Variants in CTBP1 observed in about 807,000 individuals in gnomAD.
CTBP1 encodes the protein C-terminal binding protein 1.
Under a neutral mutation model 42.1 loss-of-function variants are expected in CTBP1, and 11 were observed. That is an observed-to-expected ratio of 0.26 (90% CI 0.16 to 0.43). The LOEUF is 0.43. Ranked by LOEUF, CTBP1 falls within the 20% of genes least tolerant of loss-of-function variation. The pLI is 1.00. For synonymous variants in CTBP1, 324 were observed against 277.1 expected (o/e 1.17, Z -1.68); for missense variants, 399 against 624.3 (o/e 0.64, Z 3.85).
chr4:1,239,921 ACTGTACATGGCCTCCCT>A (rs1298105390), intron 2 of CTBP1, among the ~76,000 whole-genome samples: 1 of 152,246 alleles, frequency 6.6e-6, no homozygotes, highest in African/African-American at 2.4e-5. Context: ...GCCCAGTGAC[ACTGTACATGGCCTCCCT>A]CTGCACGTGG....
chr4:1,225,031 G>A (rs1280950600), intron 5 of CTBP1, among the ~76,000 whole-genome samples: 1 of 152,088 alleles, frequency 6.6e-6, no homozygotes, highest in Non-Finnish European at 1.5e-5. Flanking sequence ...GCCCATGTGA[G>A]TGCTGTGACG....
At chr4:1,213,383 A>G in intron 8 of CTBP1, 95 bp downstream of exon 8, 1 of 1,571,658 alleles carries the variant, frequency 6.4e-7, no homozygotes, top group Non-Finnish European at 8.6e-7. Context: ...AGCTGGCAGA[A>G]CATGGGCCTG....
At position 1,225,362 on chromosome 4, in the gene CTBP1, A is replaced by G; in HGVS notation, c.512T>C (p.Leu171Pro). Residue 171 changes from leucine to proline, a missense_variant and splice_region_variant, in exon 5 of 10, where the codon CTT becomes CCT. Physicochemically the swap from Leu to Pro is moderately conservative, Grantham distance 98. Transcript: ENST00000382952. Reference sequence around the variant, plus strand: ...GCGTGGAGCTGCGGCCGACGCACCAAGTCCGATGATGCCCAAGGTCTCCCC... The same window carrying G: ...GCGTGGAGCTGCGGCCGACGCACCAGGTCCGATGATGCCCAAGGTCTCCCC... ...IRGETLGIIG[L>P]GRVGQAVALR... The G allele has an allele frequency of 6.4e-7, 1 of 1,554,688 alleles. No homozygotes were observed. Among genetic ancestry groups the G allele is most frequent in the South Asian group, 1.2e-5 (1 of 84,956 alleles).
At chr4:1,244,289 C>T in intron 1 of CTBP1, 1 of 984,944 alleles carries the variant, frequency 1.0e-6, no homozygotes, top group Non-Finnish European at 1.2e-6. Flanking sequence ...TGCCCCGGCA[C>T]ACTGGGGGTC....
rs772992267 is a variant in CTBP1, at chr4:1,212,467, C to T, written c.1107-44G>A. On this transcript the variant is annotated intron_variant, in intron 9 of 9. Transcript: ENST00000382952. ...TCCGTGAGGCCCACCTGTAGGCGGC[C>T]TGGCCAGGCCCCACCTGCCCTCCTA... The T allele has an allele frequency of 5.0e-6, 7 of 1,390,816 alleles. No homozygotes were observed. In the South Asian group the frequency reaches 9.6e-5, roughly 19 times the overall value. 86.2% of individuals were successfully genotyped at this position (1,390,816 alleles called of 1,614,324 possible).
At chr4:1,236,682 C>T (rs1342198671) in intron 3 of CTBP1, 223 of 666,592 alleles carry the variant, frequency 3.3e-4, no homozygotes, top group Non-Finnish European at 5.6e-4. Flanking sequence ...CGGTGTCCAC[C>T]TCCTGATGGG....
At chr4:1,216,483 G>C in intron 5 of CTBP1, 1 of 575,674 alleles carries the variant, frequency 1.7e-6, no homozygotes, top group Non-Finnish European at 3.1e-6. Flanking sequence ...CTCCCCTGCA[G>C]CCTGTCCACA....
intron 4 of CTBP1, among the ~76,000 whole-genome samples, chr4:1,227,738 TGA>T (rs1730530053): frequency 2.0e-5 from 3 of 152,082 alleles, no homozygotes; most frequent in Admixed American, 2.0e-4. Flanking sequence ...TTCTGTGTGC[TGA>T]GTGTGCGTGA....
intron 1 of CTBP1, chr4:1,242,610 C>T (rs981226558): frequency 1.4e-5 from 14 of 985,470 alleles, no homozygotes; most frequent in Admixed American, 6.1e-5. Flanking sequence ...GCCCCACGCA[C>T]GCACCTCCCA....
chr4:1,246,283 C>T (rs959469990), intron 1 of CTBP1, among the ~76,000 whole-genome samples: 1 of 152,134 alleles, frequency 6.6e-6, no homozygotes, highest in East Asian at 1.9e-4. Flanking sequence ...CTCCACCCGG[C>T]GCTCCGACCA....
At chr4:1,248,874 GC>G (rs1259387355) in intron 1 of CTBP1, 41 bp downstream of exon 1, 22 of 333,260 alleles carry the variant, frequency 6.6e-5, no homozygotes, top group Non-Finnish European at 8.5e-5. Flanking sequence ...GCCCCGCCCC[GC>G]CCCCGCCCGC....
chr4:1,223,259 G>A (rs1398972442), intron 5 of CTBP1, among the ~76,000 whole-genome samples: 1 of 152,104 alleles, frequency 6.6e-6, no homozygotes. Context: ...GCCTCAGATG[G>A]GCAGAGGTGT....
chr4:1,216,857 G>C (rs560049778), intron 5 of CTBP1: 3 of 160,090 alleles, frequency 1.9e-5, no homozygotes, highest in African/African-American at 7.2e-5. Context: ...CTCGGGGAAG[G>C]GTCTGCAGAG....
chr4:1,248,308 G>A (rs913497190), intron 1 of CTBP1, among the ~76,000 whole-genome samples: 2 of 151,808 alleles, frequency 1.3e-5, no homozygotes, highest in Non-Finnish European at 2.9e-5. Flanking sequence ...CGTCACCGCC[G>A]GGGGCTGCGC....
intron 3 of CTBP1, among the ~76,000 whole-genome samples, chr4:1,229,462 T>G (rs1372212205): frequency 1.3e-5 from 2 of 152,192 alleles, no homozygotes; most frequent in African/African-American, 4.8e-5. Flanking sequence ...GAGCCTCCCA[T>G]GTGGACATGA....
At chr4:1,247,653 G>A (rs1430875239) in intron 1 of CTBP1, among the ~76,000 whole-genome samples, 2 of 152,016 alleles carry the variant, frequency 1.3e-5, no homozygotes, top group Non-Finnish European at 2.9e-5. Context: ...AAGGCCACGC[G>A]CTAGGAGCTC....
chr4:1,235,150 G>C lies in CTBP1; in HGVS notation c.162+3033C>G, dbSNP rs1731355273. On this transcript the variant is annotated intron_variant, in intron 3 of 9. Transcript: ENST00000382952. The surrounding 1 kb of genome is among the most constrained non-coding windows in gnomAD (Gnocchi z 4.2). ...CCACTCACCCACTGAAGGACAGCCG[G>C]TGGGGGGCGTCCTTCTGGTTTGGGC... 6.6e-6 allele frequency: 1 copy of C among 152,206 alleles called. No individual in the cohort carries two copies. The highest frequency in any genetic ancestry group is 1.5e-5 in the Non-Finnish European group (1 of 68,044). 9.4% of individuals were successfully genotyped at this position (152,206 alleles called of 1,614,324 possible).
chr4:1,241,930 C>T (rs777619617), intron 1 of CTBP1: 5 of 1,036,134 alleles, frequency 4.8e-6, no homozygotes, highest in Non-Finnish European at 5.8e-6. Flanking sequence ...AAGCTTCTAT[C>T]TCATGTCACT....
At chr4:1,247,808 C>A (rs140513257) in intron 1 of CTBP1, among the ~76,000 whole-genome samples, 1 of 152,290 alleles carries the variant, frequency 6.6e-6, no homozygotes, top group East Asian at 1.9e-4. Flanking sequence ...CCTGCGCACC[C>A]GCCGCCTCGG....
Sources: allele counts gnomAD v4.1 joint callset (sites outside exome capture counted in the v4.1 genomes callset), GRCh38; gene constraint gnomAD v4.1.1; non-coding constraint Gnocchi (gnomAD v3.1); transcripts MANE v1.5; gene names NCBI Gene and HGNC (gene_info 2026-07-23, HGNC 2026-07-21).